The following AFG1L variants were observed in gnomAD, a reference collection of about 807,000 sequenced individuals.
AFG1L encodes the protein AFG1-like ATPase.
In AFG1L, 53 loss-of-function variants were observed where a neutral mutation model predicts 62.2. The ratio of observed to expected loss-of-function variants is 0.85; its 90% CI spans 0.68 to 1.07. The LOEUF (loss-of-function observed/expected upper bound fraction) is 1.07, where lower values mean the gene tolerates loss of function less well. AFG1L is among the 50% of genes least tolerant of loss of function. AFG1L has a pLI of 0.00. For synonymous variants in AFG1L, 228 were observed against 210.3 expected (o/e 1.08, Z -0.73); for missense variants, 555 against 590.5 (o/e 0.94, Z 0.62).
At chr6:108,514,983 C>A (rs1035526843) in intron 11 of AFG1L, among the ~76,000 whole-genome samples, 9 of 152,102 alleles carry the variant, frequency 5.9e-5, no homozygotes, top group African/African-American at 2.2e-4. Flanking sequence ...TACAGGAGCA[C>A]CCAGATTAAT....
intron 6 of AFG1L, among the ~76,000 whole-genome samples, chr6:108,370,232 A>T (rs894315938): frequency 2.0e-5 from 3 of 152,176 alleles, no homozygotes; most frequent in Admixed American, 2.0e-4. Context: ...TATCTTAAGC[A>T]GGGACTGATG....
At chr6:108,416,303 G>C (rs559129849) in intron 7 of AFG1L, among the ~76,000 whole-genome samples, 1 of 152,198 alleles carries the variant, frequency 6.6e-6, no homozygotes, top group African/African-American at 2.4e-5. Context: ...TGGAGAAATA[G>C]GAATGCTTTT....
chr6:108,350,182 C>A (rs1039816131), intron 3 of AFG1L, among the ~76,000 whole-genome samples: 1 of 151,814 alleles, frequency 6.6e-6, no homozygotes, highest in Admixed American at 6.6e-5. Context: ...GGCAACAGAA[C>A]AAGACTCTGT....
intron 7 of AFG1L, among the ~76,000 whole-genome samples, chr6:108,405,028 C>A (rs1369132053): frequency 2.6e-5 from 4 of 152,156 alleles, no homozygotes; most frequent in African/African-American, 4.8e-5. Context: ...CCACACCTGG[C>A]CAGATTTACA....
intron 6 of AFG1L, among the ~76,000 whole-genome samples, chr6:108,382,497 A>G (rs1780592036): frequency 6.6e-6 from 1 of 152,130 alleles, no homozygotes; most frequent in Non-Finnish European, 1.5e-5. Context: ...TACTAATTTT[A>G]ATTTATTATT....
chr6:108,480,813 C>T (rs1271718982), intron 10 of AFG1L, among the ~76,000 whole-genome samples: 2 of 151,758 alleles, frequency 1.3e-5, no homozygotes, highest in African/African-American at 4.9e-5. Flanking sequence ...AAATAAATAA[C>T]AACAACAAAA....
chr6:108,499,129 C>T (rs1235932819), intron 10 of AFG1L, among the ~76,000 whole-genome samples: 3 of 149,164 alleles, frequency 2.0e-5, no homozygotes, highest in African/African-American at 4.9e-5. Flanking sequence ...AGTACAGTGG[C>T]GCCATCTTGG....
rs1460377381 is a variant in AFG1L, at chr6:108,525,863, C to G, written c.*3438C>G. 1.3e-5 allele frequency: 2 copies of G among 152,212 alleles called. No individual in the cohort carries two copies. The allele number at this position is 152,212 out of a possible 1,614,324, so 9.4% of individuals were successfully genotyped here. On this transcript the variant is annotated 3_prime_UTR_variant, in exon 13 of 13. Coordinates refer to ENST00000368977, the MANE Select transcript of AFG1L (RefSeq NM_145315.5). ...AGTAACTTGAACCTACACTTGACGG[C>G]TGCTTTATCTGAGATTAAAAACATG...
At position 108,495,689 on chromosome 6, in the gene AFG1L, A is replaced by C. The variant is rs1773948495; in HGVS notation, c.1063-14523A>C. On this transcript the variant is annotated intron_variant, in intron 10 of 12. Transcript: ENST00000368977. ...TGTTAGAGAAACTGGGCTACATATA[A>C]TCAAGCTGTATACTCTTGGTAATTA... 2.6e-5 allele frequency among the ~76,000 whole-genome samples: 4 copies of C among 152,236 alleles called. No homozygotes were observed. The South Asian group carries it at 8.3e-4, about 31-fold the overall frequency.
chr6:108,400,691 ATATATATATTAT>A (rs1293675724), intron 6 of AFG1L, among the ~76,000 whole-genome samples: 1 of 76,030 alleles, frequency 1.3e-5, no homozygotes, highest in Non-Finnish European at 2.3e-5. Flanking sequence ...TTATATAATT[ATATATATATTAT>A]TATATATATT....
chr6:108,378,249 A>G (rs1165788943), intron 6 of AFG1L, among the ~76,000 whole-genome samples: 1 of 151,590 alleles, frequency 6.6e-6, no homozygotes, highest in Non-Finnish European at 1.5e-5. Context: ...CTTTGTCTCA[A>G]TTTTTAACTT....
chr6:108,433,262 TTTA>T (rs1252795351), intron 7 of AFG1L, among the ~76,000 whole-genome samples: 2 of 140,382 alleles, frequency 1.4e-5, no homozygotes, highest in African/African-American at 5.0e-5. Context: ...AAACATTAAC[TTTA>T]TTATTGTTAT....
chr6:108,411,720 AACAGAAAGGACATCC>A (rs1394316913), intron 7 of AFG1L, among the ~76,000 whole-genome samples: 1 of 152,236 alleles, frequency 6.6e-6, no homozygotes, highest in African/African-American at 2.4e-5. Context: ...AAAACTAACA[AACAGAAAGGACATCC>A]ACACCAAAAC....
At chr6:108,405,433 C>T (rs1781808119) in intron 7 of AFG1L, among the ~76,000 whole-genome samples, 1 of 152,116 alleles carries the variant, frequency 6.6e-6, no homozygotes, top group Non-Finnish European at 1.5e-5. Context: ...GCAGCCTCAA[C>T]CTCCCCAGGC....
intron 1 of AFG1L, among the ~76,000 whole-genome samples, chr6:108,303,071 C>T (rs758693801): frequency 6.6e-6 from 1 of 152,050 alleles, no homozygotes; most frequent in Non-Finnish European, 1.5e-5. Flanking sequence ...AGCTGCCACA[C>T]CTGGCTAATT....
At position 108,522,286 on chromosome 6, in the gene AFG1L, T is replaced by G; in HGVS notation, c.1318-11T>G. The G allele has an allele frequency of 6.2e-7, 1 of 1,610,230 alleles. No individual in the cohort carries two copies. Among genetic ancestry groups the G allele is most frequent in the Non-Finnish European group, 8.5e-7 (1 of 1,178,124 alleles). The stretch of plus-strand genomic sequence containing the variant: ...GATAGCTTTATTTTAATTTCTTTGT[T>G]TTATAACCAGGATTCAGCAGAAGGA... On this transcript the variant is annotated splice_polypyrimidine_tract_variant and intron_variant, in intron 12 of 12. Coordinates refer to ENST00000368977, the MANE Select transcript of AFG1L (RefSeq NM_145315.5).
At chr6:108,436,396 G>A (rs941171004) in intron 7 of AFG1L, among the ~76,000 whole-genome samples, 3 of 152,242 alleles carry the variant, frequency 2.0e-5, no homozygotes, top group Non-Finnish European at 4.4e-5. Context: ...GCCTGCCTTG[G>A]CCTCCCAAAG....
chr6:108,295,367 T>A (rs1328337395), intron 1 of AFG1L, 149 bp downstream of exon 1: 2 of 841,870 alleles, frequency 2.4e-6, no homozygotes, highest in Non-Finnish European at 3.6e-6. Context: ...TCTCTTGACC[T>A]TTTATACTGT....
chr6:108,483,537 T>C (rs1280915590), intron 10 of AFG1L, among the ~76,000 whole-genome samples: 1 of 152,184 alleles, frequency 6.6e-6, no homozygotes, highest in Non-Finnish European at 1.5e-5. Context: ...GCTTAATGAG[T>C]AAACTGACTA....
Sources: allele counts gnomAD v4.1 joint callset (sites outside exome capture counted in the v4.1 genomes callset), GRCh38; gene constraint gnomAD v4.1.1; transcripts MANE v1.5; gene names NCBI Gene and HGNC (gene_info 2026-07-23, HGNC 2026-07-21).